XG: variants seen among roughly 807,000 people sequenced by gnomAD.
XG encodes glycoprotein Xg.
XG carries 24 observed loss-of-function variants against 25.7 expected under a neutral mutation model. That is an observed-to-expected ratio of 0.93 (90% confidence interval 0.68 to 1.31). The LOEUF (loss-of-function observed/expected upper bound fraction) is 1.31. Among genes scored for constraint, XG ranks in the 40% most tolerant of loss-of-function variants. The pLI is 0.00. For missense variants in XG, 181 were observed against 187.6 expected, an observed-to-expected ratio of 0.96 and a Z score of 0.21; for synonymous variants, 77 against 69.2, an observed-to-expected ratio of 1.11 and a Z score of -0.56.
At chrX:2,764,935 G>A (rs1181546840) in intron 1 of XG, among the ~76,000 whole-genome samples, 1 of 150,238 alleles carries the variant, frequency 6.7e-6, no homozygotes, top group African/African-American at 2.5e-5. Flanking sequence ...CAGCTACTCA[G>A]GAGACTGAGG....
chrX:2,760,488 C>A (rs1345779343), intron 1 of XG, among the ~76,000 whole-genome samples: 1 of 151,024 alleles, frequency 6.6e-6, no homozygotes, highest in Admixed American at 6.6e-5. Flanking sequence ...GTAATCCCAG[C>A]ACTTTGGGAG....
chrX:2,765,041 CA>C (rs1219282861), intron 1 of XG, among the ~76,000 whole-genome samples: 710 of 36,578 alleles, frequency 0.019, 2 homozygotes, highest in African/African-American at 0.072. Context: ...ATTCTTTATC[CA>C]AAAAAAAAAA....
At chrX:2,766,653 C>T (rs1346542207) in intron 1 of XG, among the ~76,000 whole-genome samples, 2 of 149,606 alleles carry the variant, frequency 1.3e-5, no homozygotes, top group African/African-American at 4.9e-5. Context: ...CAAGCTCCGC[C>T]TCCCGGGTTC....
intron 9 of XG, among the ~76,000 whole-genome samples, chrX:2,809,295 G>A (rs1416366067): frequency 9.0e-6 from 1 of 111,726 alleles, no homozygotes. Context: ...GTTAGCAGAG[G>A]TGGAGTCTGC....
intron 3 of XG, among the ~76,000 whole-genome samples, chrX:2,780,024 C>G (rs908034133): frequency 6.6e-6 from 1 of 151,208 alleles, no homozygotes; most frequent in African/African-American, 2.5e-5. Context: ...AGTTGTTATA[C>G]TATATTATTT....
At chrX:2,758,656 C>A (rs34737836) in intron 1 of XG, among the ~76,000 whole-genome samples, 32 of 152,328 alleles carry the variant, frequency 2.1e-4, no homozygotes, top group African/African-American at 6.3e-4. Context: ...TGAGGCTTTG[C>A]GTTGCCACAC....
At chrX:2,759,024 C>CTATG in intron 1 of XG, among the ~76,000 whole-genome samples, 1 of 46,476 alleles carries the variant, frequency 2.2e-5, no homozygotes, top group East Asian at 2.8e-4. Flanking sequence ...ATCTATGTAT[C>CTATG]TATCTATGTA....
At chrX:2,773,023 A>C (rs2857321) in intron 2 of XG, among the ~76,000 whole-genome samples, 35,575 of 143,362 alleles carry the variant, frequency 0.25, 4,466 homozygotes, top group East Asian at 0.44. Flanking sequence ...TTTAAAAAAT[A>C]GTTATAATTT....
intron 7 of XG, 123 bp from the exon 8 acceptor site, chrX:2,806,578 T>C (rs2087000075): frequency 1.2e-5 from 7 of 605,194 alleles, no homozygotes; most frequent in East Asian, 3.9e-5. Flanking sequence ...TGGGAGAGCA[T>C]TGGAATCTCT....
At chrX:2,767,267 T>G (rs1281751867) in intron 1 of XG, among the ~76,000 whole-genome samples, 1 of 152,012 alleles carries the variant, frequency 6.6e-6, no homozygotes, top group Non-Finnish European at 1.5e-5. Context: ...AAGTGCTGTA[T>G]CACATGGCTT....
At chrX:2,774,677 T>C (rs2124466387) in intron 2 of XG, 39 bp from the exon 3 acceptor site, 1 of 1,613,398 alleles carries the variant, frequency 6.2e-7, no homozygotes, top group African/African-American at 1.3e-5. Context: ...CAATGAATCT[T>C]CAATGCATAT....
intron 1 of XG, among the ~76,000 whole-genome samples, chrX:2,765,072 G>A (rs2050649381): frequency 6.9e-6 from 1 of 144,330 alleles, no homozygotes; most frequent in Admixed American, 7.1e-5. Flanking sequence ...AAAAGGCTAG[G>A]CACGGCGGCT....
At chrX:2,757,988 A>T (rs1182378504) in intron 1 of XG, among the ~76,000 whole-genome samples, 1 of 149,808 alleles carries the variant, frequency 6.7e-6, no homozygotes. Context: ...AAAAAAAAAA[A>T]AAAAAAAAGG....
intron 1 of XG, among the ~76,000 whole-genome samples, chrX:2,761,948 C>T (rs2050575476): frequency 6.6e-6 from 1 of 152,164 alleles, no homozygotes. Flanking sequence ...AAGTCTCTGT[C>T]CTGCAAAGTG....
intron 1 of XG, among the ~76,000 whole-genome samples, chrX:2,760,265 C>T (rs1466905070): frequency 3.3e-5 from 5 of 152,064 alleles, no homozygotes; most frequent in Admixed American, 3.3e-4. Context: ...CTCTAGATTC[C>T]CAAACCCTGG....
intron 2 of XG, among the ~76,000 whole-genome samples, chrX:2,773,839 G>C (rs2050906589): frequency 6.7e-6 from 1 of 148,708 alleles, no homozygotes; most frequent in Non-Finnish European, 1.5e-5. Context: ...AGGAAGGAGA[G>C]AAGGAAGGAA....
chrX:2,752,787 A>G (rs1404195895), intron 1 of XG: 1 of 321,670 alleles, frequency 3.1e-6, no homozygotes, highest in African/African-American at 2.2e-5. Context: ...GTTTGCCGGA[A>G]GGGTTGCATT....
intron 10 of XG, among the ~76,000 whole-genome samples, chrX:2,812,329 A>G (rs937777540): frequency 8.1e-5 from 9 of 111,653 alleles, no homozygotes; most frequent in Non-Finnish European, 1.5e-4. Context: ...TTGAGAGCAG[A>G]GGATGCCCTA....
At chrX:2,781,289 A>G (rs1413079505) in intron 3 of XG, among the ~76,000 whole-genome samples, 1 of 151,526 alleles carries the variant, frequency 6.6e-6, no homozygotes. Context: ...GGGTCTGCAG[A>G]AACTCCCCAG....
Sources: gnomAD v4.1 joint callset for allele counts (sites outside exome capture counted in the v4.1 genomes callset) on GRCh38, gnomAD v4.1.1 for gene constraint, MANE v1.5 for transcripts, NCBI Gene and HGNC (gene_info 2026-07-23, HGNC 2026-07-21) for gene names.